The following TMEM108 variants were observed in gnomAD, a reference collection of about 807,000 sequenced individuals.
TMEM108 encodes the protein cancer/testis antigen 124.
A neutral mutation model predicts 35.1 loss-of-function variants in TMEM108; 12 were observed. That is an observed-to-expected ratio of 0.34 (90% confidence interval 0.22 to 0.55). The LOEUF (loss-of-function observed/expected upper bound fraction) is 0.55, where lower values mean the gene tolerates loss of function less well. Ranked by LOEUF, TMEM108 falls within the 20% of genes least tolerant of loss-of-function variation. The pLI is 0.89. For synonymous variants in TMEM108, 287 were observed against 308.6 expected (o/e 0.93, Z 0.73); for missense variants, 680 against 753.3 (o/e 0.90, Z 1.14).
At chr3:133,337,726 C>A (rs1434994708) in intron 3 of TMEM108, among the ~76,000 whole-genome samples, 1 of 151,976 alleles carries the variant, frequency 6.6e-6, no homozygotes, top group African/African-American at 2.4e-5. Context: ...AAGGACCAAT[C>A]CTGGAGAAAA....
intron 3 of TMEM108, among the ~76,000 whole-genome samples, chr3:133,305,411 G>A (rs1014781622): frequency 6.6e-6 from 1 of 151,452 alleles, no homozygotes; most frequent in Admixed American, 6.6e-5. Flanking sequence ...TACACCTAAT[G>A]CTAGATGACG....
chr3:133,303,740 A>T (rs1019261342), intron 3 of TMEM108, among the ~76,000 whole-genome samples: 2 of 152,206 alleles, frequency 1.3e-5, no homozygotes, highest in Non-Finnish European at 2.9e-5. Context: ...ATTCACTTTG[A>T]AAAACTTTCT....
chr3:133,119,740 T>C (rs2107732855), intron 2 of TMEM108, among the ~76,000 whole-genome samples: 1 of 152,310 alleles, frequency 6.6e-6, no homozygotes, highest in African/African-American at 2.4e-5. Flanking sequence ...AGCATTTAAT[T>C]TGAACTCTAA....
chr3:133,040,760 T>TG (rs1421403041), intron 1 of TMEM108, among the ~76,000 whole-genome samples: 1 of 152,208 alleles, frequency 6.6e-6, no homozygotes, highest in African/African-American at 2.4e-5. Context: ...CGTACTTCAG[T>TG]GACCTATAGG....
intron 3 of TMEM108, among the ~76,000 whole-genome samples, chr3:133,255,675 C>A (rs946098425): frequency 4.6e-5 from 7 of 152,186 alleles, no homozygotes; most frequent in African/African-American, 1.7e-4. Flanking sequence ...TACTCAGATT[C>A]TGGGAATACT....
chr3:133,394,946 C>T (rs2073284747), intron 5 of TMEM108, among the ~76,000 whole-genome samples: 1 of 152,188 alleles, frequency 6.6e-6, no homozygotes. Flanking sequence ...AGTCTTTGTC[C>T]TGAAATGGCT....
chr3:133,145,968 G>A (rs933883416), intron 2 of TMEM108, among the ~76,000 whole-genome samples: 1 of 152,086 alleles, frequency 6.6e-6, no homozygotes, highest in African/African-American at 2.4e-5. Flanking sequence ...TCTTTCTCTT[G>A]CCTGATTGTC....
At chr3:133,295,828 G>A (rs1342343122) in intron 3 of TMEM108, among the ~76,000 whole-genome samples, 1 of 152,202 alleles carries the variant, frequency 6.6e-6, no homozygotes, top group Non-Finnish European at 1.5e-5. Context: ...AGCAACATCA[G>A]CATTGCAGCT....
At chr3:133,369,711 A>C (rs2072602551) in intron 3 of TMEM108, among the ~76,000 whole-genome samples, 1 of 152,166 alleles carries the variant, frequency 6.6e-6, no homozygotes, top group Non-Finnish European at 1.5e-5. Context: ...ATTTGATTAG[A>C]ATCTATCAAC....
At chr3:133,369,168 G>A (rs1381514410) in intron 3 of TMEM108, among the ~76,000 whole-genome samples, 1 of 152,190 alleles carries the variant, frequency 6.6e-6, no homozygotes, top group Non-Finnish European at 1.5e-5. Context: ...GAAGGTCTCT[G>A]CGGGGAAGAG....
intron 2 of TMEM108, among the ~76,000 whole-genome samples, chr3:133,131,013 T>A (rs1944483638): frequency 6.6e-6 from 1 of 152,210 alleles, no homozygotes; most frequent in Non-Finnish European, 1.5e-5. Flanking sequence ...TTTCCCTAAA[T>A]TTTTCATCAT....
intron 2 of TMEM108, among the ~76,000 whole-genome samples, chr3:133,179,193 T>G (rs1279879562): frequency 2.0e-5 from 3 of 151,420 alleles, no homozygotes; most frequent in Non-Finnish European, 3.0e-5. Context: ...TAGGAACACT[T>G]TTACACTGTT....
At chr3:133,330,638 T>G (rs1444148522) in intron 3 of TMEM108, among the ~76,000 whole-genome samples, 2 of 152,196 alleles carry the variant, frequency 1.3e-5, no homozygotes, top group African/African-American at 4.8e-5. Flanking sequence ...TTCTGTTGTT[T>G]AGCAAAAATA....
chr3:133,359,794 T>C (rs973448053), intron 3 of TMEM108, among the ~76,000 whole-genome samples: 1 of 152,158 alleles, frequency 6.6e-6, no homozygotes, highest in African/African-American at 2.4e-5. Context: ...TTAATCAAGT[T>C]CAATAGACAC....
chr3:133,380,376 G>A lies in TMEM108; in HGVS notation c.665G>A (p.Gly222Asp). ...GGGAAAATCTTTCAGATCTACAAGGGCAACTTCACAGGGTCTGTGGAACCG... is the reference window on the plus strand; with the variant it reads ...GGGAAAATCTTTCAGATCTACAAGGACAACTTCACAGGGTCTGTGGAACCG... ...PLGKIFQIYKGNFTGSVEPEP... is the reference protein window; with the variant it reads ...PLGKIFQIYKDNFTGSVEPEP... The change falls in exon 4 of 6, where the codon GGC (glycine) becomes GAC (aspartate). Residue 222 changes from glycine (G) to aspartate (D), a missense_variant. Coordinates refer to ENST00000321871, the MANE Select transcript of TMEM108 (RefSeq NM_023943.4). This position sits in a 1 kb window ranked among gnomAD's most constrained non-coding sequence, Gnocchi z 5.3. 1 of 1,613,842 alleles carries A rather than the reference G, an allele frequency of 6.2e-7. No individual in the cohort carries two copies. The highest frequency in any genetic ancestry group is 8.5e-7 in the Non-Finnish European group (1 of 1,179,842).
intron 2 of TMEM108, among the ~76,000 whole-genome samples, chr3:133,205,170 T>A (rs1945734004): frequency 6.6e-6 from 1 of 150,914 alleles, no homozygotes; most frequent in Non-Finnish European, 1.5e-5. Flanking sequence ...TAAATCTTCC[T>A]CCATCCCTTT....
At chr3:133,196,399 G>A (rs1361890176) in intron 2 of TMEM108, among the ~76,000 whole-genome samples, 1 of 152,198 alleles carries the variant, frequency 6.6e-6, no homozygotes, top group Non-Finnish European at 1.5e-5. Context: ...CAGTTAGCAA[G>A]ATAATTAGAA....
At chr3:133,124,288 A>C (rs942468037) in intron 2 of TMEM108, among the ~76,000 whole-genome samples, 1 of 152,246 alleles carries the variant, frequency 6.6e-6, no homozygotes, top group Non-Finnish European at 1.5e-5. Context: ...CCAGCCTGTT[A>C]AATAAAAACC....
At chr3:133,395,509 A>G (rs2073292374) in intron 5 of TMEM108, among the ~76,000 whole-genome samples, 1 of 152,194 alleles carries the variant, frequency 6.6e-6, no homozygotes, top group Admixed American at 6.5e-5. Context: ...TGAGCCATGC[A>G]CTGTATGTGT....
Sources: allele counts gnomAD v4.1 joint callset (sites outside exome capture counted in the v4.1 genomes callset), GRCh38; gene constraint gnomAD v4.1.1; non-coding constraint Gnocchi (gnomAD v3.1); transcripts MANE v1.5; gene names NCBI Gene and HGNC (gene_info 2026-07-23, HGNC 2026-07-21).